The following MTA3 variants were observed in gnomAD, a reference collection of about 807,000 sequenced individuals.
MTA3 encodes the protein metastasis-associated protein MTA3.
In MTA3, 34 loss-of-function variants were observed where a neutral mutation model predicts 83.5. The observed-to-expected ratio is 0.41, with a 90% CI of 0.31 to 0.54. MTA3 has a LOEUF of 0.54. MTA3 is among the 20% of genes least tolerant of loss of function. The pLI, the probability that MTA3 is intolerant of heterozygous loss-of-function variation, is 0.33. For synonymous variants in MTA3, 303 were observed against 252.7 expected (o/e 1.20, Z -1.89); for missense variants, 761 against 726.4 (o/e 1.05, Z -0.55).
intron 2 of MTA3, among the ~76,000 whole-genome samples, chr2:42,551,016 C>T (rs1402250839): frequency 2.0e-4 from 30 of 150,510 alleles, no homozygotes; most frequent in South Asian, 8.4e-4. Flanking sequence ...CACCATTGCA[C>T]GCCAGCCTGG....
chr2:42,506,722 A>C (rs183975437), intron 2 of MTA3, among the ~76,000 whole-genome samples: 1 of 151,644 alleles, frequency 6.6e-6, no homozygotes, highest in African/African-American at 2.4e-5. Context: ...GCTCACTGCA[A>C]CCTCTGTCCC....
intron 5 of MTA3, among the ~76,000 whole-genome samples, chr2:42,642,964 A>G (rs1377426280): frequency 6.6e-6 from 1 of 151,004 alleles, no homozygotes; most frequent in Non-Finnish European, 1.5e-5. Context: ...TGTTTTATCT[A>G]TTCCTGCAGA....
chr2:42,532,419 A>G (rs1346742274), intron 2 of MTA3, among the ~76,000 whole-genome samples: 2 of 152,216 alleles, frequency 1.3e-5, no homozygotes, highest in Non-Finnish European at 2.9e-5. Flanking sequence ...CTGAGGCAGG[A>G]GAAGCCCTTC....
intron 8 of MTA3, among the ~76,000 whole-genome samples, chr2:42,667,595 TGTG>T (rs1690369719): frequency 6.1e-5 from 8 of 131,646 alleles, no homozygotes; most frequent in Non-Finnish European, 1.1e-4. Flanking sequence ...TGTGTGTGTG[TGTG>T]TGTGTGTGTG....
intron 2 of MTA3, among the ~76,000 whole-genome samples, chr2:42,546,176 C>T (rs891018363): frequency 3.3e-5 from 5 of 152,034 alleles, no homozygotes; most frequent in African/African-American, 9.7e-5. Flanking sequence ...ACAATGGAGG[C>T]GCCTGGTGAC....
At chr2:42,650,554 C>T (rs1202210403) in intron 6 of MTA3, among the ~76,000 whole-genome samples, 1 of 152,060 alleles carries the variant, frequency 6.6e-6, no homozygotes, top group East Asian at 1.9e-4. Flanking sequence ...ATTTTCCTGC[C>T]TCAGCCTCCT....
chr2:42,529,024 T>G (rs530352766), intron 2 of MTA3, among the ~76,000 whole-genome samples: 244 of 152,332 alleles, frequency 1.6e-3, no homozygotes, highest in Non-Finnish European at 2.7e-3. Flanking sequence ...ACACATCCCG[T>G]TAAGTTACAG....
At chr2:42,630,605 CT>C (rs891380188) in intron 4 of MTA3, among the ~76,000 whole-genome samples, 3 of 151,980 alleles carry the variant, frequency 2.0e-5, no homozygotes, top group Non-Finnish European at 2.9e-5. Flanking sequence ...CTGCCTCATT[CT>C]TTTTTATGGC....
At chr2:42,738,113 T>C (rs1032576058) in intron 16 of MTA3, among the ~76,000 whole-genome samples, 2 of 152,040 alleles carry the variant, frequency 1.3e-5, no homozygotes, top group Non-Finnish European at 2.9e-5. Flanking sequence ...AATACAAAAA[T>C]TAGCTGATCA....
chr2:42,638,619 G>T (rs570053227), intron 4 of MTA3, among the ~76,000 whole-genome samples: 76 of 151,706 alleles, frequency 5.0e-4, no homozygotes, highest in Non-Finnish European at 9.4e-4. Flanking sequence ...CTTCTACCTC[G>T]GCCTCCCAAA....
chr2:42,644,428 G>A (rs1479270255), intron 6 of MTA3, among the ~76,000 whole-genome samples, 184 bp downstream of exon 6: 1 of 152,154 alleles, frequency 6.6e-6, no homozygotes, highest in Non-Finnish European at 1.5e-5. Context: ...GCCTCGCTAT[G>A]TTGCCAAGGC....
At chr2:42,539,987 A>G (rs2103744614) in intron 2 of MTA3, among the ~76,000 whole-genome samples, 1 of 152,102 alleles carries the variant, frequency 6.6e-6, no homozygotes, top group Admixed American at 6.6e-5. Context: ...GCTCAGCTAG[A>G]AACTCCTCTG....
rs371191879 is a variant in MTA3, at chr2:42,496,455, A to G, written c.-141+1201A>G. ...CAATTCTATTCTTTGTACTTTGAGA[A>G]GATAATGTTGAGAAGTATTACATCC... On this transcript the variant is annotated intron_variant, in intron 2 of 17. Coordinates refer to the MTA3 transcript ENST00000405592. Among the ~76,000 whole-genome samples the G allele has an allele frequency of 4.6e-5, 7 of 152,296 alleles. No homozygotes were observed. In the East Asian group the frequency reaches 1.3e-3, roughly 29 times the overall value.
Position 42,756,418 on chromosome 2 carries a change from G to A in MTA3, c.*3019G>A, listed in dbSNP as rs927001879. The A allele has an allele frequency of 1.3e-5, 13 of 975,622 alleles. No individual in the cohort carries two copies. The African/African-American group carries it at 1.4e-4, about 11-fold the overall frequency. The allele number at this position is 975,622 out of a possible 1,614,324, so 60.4% of individuals were successfully genotyped here. On this transcript the variant is annotated 3_prime_UTR_variant, in exon 17 of 17. Coordinates refer to ENST00000405094, the MANE Select transcript of MTA3 (RefSeq NM_001330442.2). ...GGGAGCCTGGGACAGGCGACCCACCGGGTCAGTCCCCTGCCACTCAGAGCA... is the reference window on the plus strand; with the variant it reads ...GGGAGCCTGGGACAGGCGACCCACCAGGTCAGTCCCCTGCCACTCAGAGCA...
intron 15 of MTA3, among the ~76,000 whole-genome samples, chr2:42,720,417 A>G (rs1399507675): frequency 6.6e-6 from 1 of 152,020 alleles, no homozygotes; most frequent in Non-Finnish European, 1.5e-5. Context: ...TCCTGACCTC[A>G]TGATCCGCCC....
Position 42,561,953 on chromosome 2 carries a change from C to G in MTA3, c.-140-8484C>G, listed in dbSNP as rs1337571410. On this transcript the variant is annotated intron_variant, in intron 2 of 17. Coordinates refer to the MTA3 transcript ENST00000405592. ...TGGGTAGCTTCAAACAATTCATTCT[C>G]TCACAGTTCTACAGGCCAGAAGCTT... Among the ~76,000 whole-genome samples the G allele has an allele frequency of 2.0e-5, 3 of 152,120 alleles. No homozygotes were observed. The East Asian group carries it at 5.8e-4, about 29-fold the overall frequency.
At chr2:42,648,055 G>C (rs1260700916) in intron 6 of MTA3, among the ~76,000 whole-genome samples, 1 of 152,182 alleles carries the variant, frequency 6.6e-6, no homozygotes, top group African/African-American at 2.4e-5. Context: ...TGGCCAGGCT[G>C]GTCTTGAACT....
At chr2:42,622,288 C>T (rs1022044159) in intron 4 of MTA3, among the ~76,000 whole-genome samples, 5 of 152,018 alleles carry the variant, frequency 3.3e-5, no homozygotes, top group East Asian at 1.9e-4. Flanking sequence ...CGCCTGCAAT[C>T]GCAGGCACTC....
intron 4 of MTA3, among the ~76,000 whole-genome samples, chr2:42,617,538 A>G (rs947499917): frequency 1.3e-5 from 2 of 152,096 alleles, no homozygotes; most frequent in African/African-American, 4.8e-5. Context: ...GAGGCCGGGC[A>G]TGGTGGCTCA....
Sources: gnomAD v4.1 joint callset for allele counts (sites outside exome capture counted in the v4.1 genomes callset) on GRCh38, gnomAD v4.1.1 for gene constraint, MANE v1.5 for transcripts, NCBI Gene and HGNC (gene_info 2026-07-23, HGNC 2026-07-21) for gene names.